The following MMP26 variants were observed in gnomAD, a reference collection of about 807,000 sequenced individuals.
The protein encoded by MMP26 is matrix metallopeptidase 26.
MMP26 carries 33 observed loss-of-function variants against 31.0 expected under a neutral mutation model. The observed-to-expected ratio is 1.06, with a 90% CI of 0.81 to 1.42. The LOEUF is 1.42. Ranked by LOEUF, MMP26 falls within the 40% of genes most tolerant of loss-of-function variation. The pLI, the probability that MMP26 is intolerant of heterozygous loss-of-function variation, is 0.00. For missense variants in MMP26, 347 were observed against 316.1 expected (o/e 1.10, Z -0.74); for synonymous variants, 122 against 114.9 (o/e 1.06, Z -0.40).
chr11:4,884,730 A>T (rs1031779315), intron 2 of MMP26, among the ~76,000 whole-genome samples: 2 of 152,132 alleles, frequency 1.3e-5, no homozygotes, highest in African/African-American at 2.4e-5. Context: ...TCTATTTGCA[A>T]TGGAGAAGTT....
At chr11:4,905,567 A>G (rs1850873193) in intron 2 of MMP26, among the ~76,000 whole-genome samples, 1 of 152,150 alleles carries the variant, frequency 6.6e-6, no homozygotes, top group Non-Finnish European at 1.5e-5. Flanking sequence ...GAAGTTTAAA[A>G]AATTCTGGAG....
Position 4,714,306 on chromosome 11 carries a change from T to C in MMP26, c.-217+9261T>C, listed in dbSNP as rs538553678. 4.6e-5 allele frequency among the ~76,000 whole-genome samples: 7 copies of C among 152,328 alleles called. No homozygotes were observed. In the South Asian group the frequency reaches 1.2e-3, roughly 27 times the overall value. ...AGGAACATTCTATTCTGAGGAGGTT[T>C]GATTGGTCTATGAGCCATTTGTTTT... is the stretch of plus-strand genomic sequence containing the variant. On this transcript the variant is annotated intron_variant, in intron 1 of 7. Transcript: ENST00000380390.
intron 1 of MMP26, among the ~76,000 whole-genome samples, chr11:4,720,406 C>T (rs767653600): frequency 1.4e-4 from 21 of 152,274 alleles, no homozygotes; most frequent in Non-Finnish European, 2.4e-4. Flanking sequence ...ATTTATAATG[C>T]TATGCTTGGA....
intron 2 of MMP26, among the ~76,000 whole-genome samples, chr11:4,980,980 A>G (rs758663831): frequency 1.3e-5 from 2 of 152,102 alleles, no homozygotes; most frequent in Non-Finnish European, 2.9e-5. Flanking sequence ...TCTTATTTAT[A>G]TGACAATAGA....
intron 2 of MMP26, among the ~76,000 whole-genome samples, chr11:4,921,228 C>T (rs528869298): frequency 9.2e-5 from 14 of 152,166 alleles, no homozygotes; most frequent in Non-Finnish European, 1.8e-4. Flanking sequence ...TCCCTAGGCT[C>T]ACAATTCAGA....
At chr11:4,807,021 G>A (rs1007255660) in intron 2 of MMP26, among the ~76,000 whole-genome samples, 1 of 152,034 alleles carries the variant, frequency 6.6e-6, no homozygotes, top group Non-Finnish European at 1.5e-5. Context: ...GGCAATATAA[G>A]GGGTGCTGGC....
At chr11:4,976,678 G>A (rs1168439867) in intron 2 of MMP26, among the ~76,000 whole-genome samples, 1 of 151,994 alleles carries the variant, frequency 6.6e-6, no homozygotes, top group African/African-American at 2.4e-5. Flanking sequence ...GCAAGACCCA[G>A]AGGGATTAAA....
At chr11:4,980,145 T>C (rs936408344) in intron 2 of MMP26, among the ~76,000 whole-genome samples, 3 of 152,068 alleles carry the variant, frequency 2.0e-5, no homozygotes, top group African/African-American at 7.2e-5. Flanking sequence ...TCCAGCTCCA[T>C]TACCTGGCTT....
intron 1 of MMP26, among the ~76,000 whole-genome samples, chr11:4,732,360 C>G (rs537264807): frequency 1.3e-5 from 2 of 151,924 alleles, no homozygotes; most frequent in Non-Finnish European, 2.9e-5. Flanking sequence ...TTAAAGATTA[C>G]CTTCCTTATG....
chr11:4,816,069 C>T (rs192509669), intron 2 of MMP26, among the ~76,000 whole-genome samples: 104 of 152,264 alleles, frequency 6.8e-4, no homozygotes, highest in Admixed American at 5.0e-3. Context: ...GTATATTGTA[C>T]TTCCATTTTC....
At chr11:4,738,639 T>C (rs2133290378) in intron 1 of MMP26, among the ~76,000 whole-genome samples, 1 of 152,346 alleles carries the variant, frequency 6.6e-6, no homozygotes, top group East Asian at 1.9e-4. Flanking sequence ...CATCTAATTA[T>C]GGAATTGTCA....
In MMP26 at chr11:4,947,864, A is replaced by C. The variant is rs1201122055; in HGVS notation, c.-144-40204A>C. Among the ~76,000 whole-genome samples, 2 of 125,400 alleles carry C rather than the reference A, an allele frequency of 1.6e-5. 1 individual carries two copies. Among genetic ancestry groups the C allele is most frequent in the Non-Finnish European group, 3.6e-5 (2 of 55,240 alleles). The allele number at this position is 125,400 out of a possible 152,430, so 82.3% of individuals were successfully genotyped here. A position where few individuals can be genotyped will look rare whatever the true frequency, so the allele number is the denominator to read the frequency against. Reference sequence around the variant, plus strand: ...GAGAGGTCTTTAATTGCCTGGTATTAGATAGACATGGTAAATTATCTGCAA... The same window carrying C: ...GAGAGGTCTTTAATTGCCTGGTATTCGATAGACATGGTAAATTATCTGCAA... On this transcript the variant is annotated intron_variant, in intron 2 of 7. Transcript: ENST00000380390.
intron 2 of MMP26, chr11:4,882,914 C>T (rs759567023): frequency 1.9e-6 from 3 of 1,562,666 alleles, no homozygotes. Flanking sequence ...ACGAATTATG[C>T]TTTGGAAAGA....
intron 2 of MMP26, chr11:4,923,401 C>A: frequency 6.4e-7 from 1 of 1,569,172 alleles, no homozygotes. Context: ...ACCTAAGTGA[C>A]TTTATAAACT....
intron 2 of MMP26, among the ~76,000 whole-genome samples, chr11:4,901,119 C>G (rs533784431): frequency 1.4e-5 from 2 of 145,160 alleles, no homozygotes; most frequent in Admixed American, 6.9e-5. Context: ...AGTGCACTAA[C>G]ATCAGTGGAC....
At chr11:4,921,712 C>A (rs1036713713) in intron 2 of MMP26, among the ~76,000 whole-genome samples, 3 of 152,176 alleles carry the variant, frequency 2.0e-5, no homozygotes, top group African/African-American at 7.2e-5. Context: ...TATTCATGAT[C>A]ATATGCACTT....
intron 2 of MMP26, among the ~76,000 whole-genome samples, chr11:4,936,641 A>T (rs141365053): frequency 4.5e-4 from 69 of 152,290 alleles, no homozygotes; most frequent in African/African-American, 1.6e-3. Flanking sequence ...TAATTAGCTG[A>T]TTCTAAGAGC....
intron 1 of MMP26, among the ~76,000 whole-genome samples, chr11:4,766,059 T>C (rs538055189): frequency 6.6e-6 from 1 of 152,338 alleles, no homozygotes; most frequent in African/African-American, 2.4e-5. Context: ...TTCTTGCTAA[T>C]ATAGTCTTCT....
At chr11:4,914,196 T>C (rs137900998) in intron 2 of MMP26, 1 of 153,942 alleles carries the variant, frequency 6.5e-6, no homozygotes, top group African/African-American at 2.4e-5. Flanking sequence ...CTTAGCTGAG[T>C]GAGACCTTGG....
Sources: gnomAD v4.1 joint callset for allele counts (sites outside exome capture counted in the v4.1 genomes callset) on GRCh38, gnomAD v4.1.1 for gene constraint, MANE v1.5 for transcripts, NCBI Gene and HGNC (gene_info 2026-07-23, HGNC 2026-07-21) for gene names.